Variants in LINGO2 observed in about 807,000 individuals in gnomAD.
The protein encoded by LINGO2 is leucine rich repeat and Ig domain containing 2, also known as leucine-rich repeat and immunoglobulin-like domain-containing nogo receptor-interacting protein 2.
A neutral mutation model predicts 30.6 loss-of-function variants in LINGO2; 14 were observed. That is an observed-to-expected ratio of 0.46 (90% CI 0.30 to 0.72). The LOEUF (loss-of-function observed/expected upper bound fraction) is 0.72. Ranked by LOEUF, LINGO2 falls within the 30% of genes least tolerant of loss-of-function variation. The pLI, the probability that LINGO2 is intolerant of heterozygous loss-of-function variation, is 0.07. For synonymous variants in LINGO2, 317 were observed against 288.5 expected, an observed-to-expected ratio of 1.10 and a Z score of -1.00; for missense variants, 729 against 751.7, an observed-to-expected ratio of 0.97 and a Z score of 0.35.
At chr9:28,524,180 G>C (rs1490156818) in intron 1 of LINGO2, among the ~76,000 whole-genome samples, 1 of 152,046 alleles carries the variant, frequency 6.6e-6, no homozygotes, top group Non-Finnish European at 1.5e-5. Context: ...TGAAAAAGCA[G>C]CTTTTAACCT....
the LINGO2 span, among the ~76,000 whole-genome samples, chr9:28,883,901 C>A: frequency 6.6e-6 from 1 of 151,290 alleles, no homozygotes; most frequent in African/African-American, 2.4e-5. Flanking sequence ...TGGTCTCGAA[C>A]TCCTGACCTC....
At chr9:28,254,974 C>T (rs996323285) in intron 4 of LINGO2, among the ~76,000 whole-genome samples, 13 of 151,954 alleles carry the variant, frequency 8.6e-5, no homozygotes, top group Admixed American at 3.3e-4. Context: ...TCCATGTGTT[C>T]TCATCAAGAA....
chr9:28,674,437 G>C (rs1332300802), upstream of LINGO2, among the ~76,000 whole-genome samples: 8 of 152,096 alleles, frequency 5.3e-5, no homozygotes, highest in African/African-American at 1.7e-4. Context: ...ACCTACATTT[G>C]AATGTTTCTA....
At position 28,261,361 on chromosome 9, in the gene LINGO2, A is replaced by G. The variant is rs984907437; in HGVS notation, c.-87+33847T>C. ...AAATTCAGCCAGGAATAGTAACATC[A>G]CAAGTTTTTAAAGACACTCGTGACA... is the stretch of plus-strand genomic sequence containing the variant. On this transcript the variant is annotated intron_variant, in intron 4 of 5. Coordinates refer to ENST00000379992, the Ensembl canonical transcript of LINGO2. Among the ~76,000 whole-genome samples, 13 of 152,042 alleles carry G rather than the reference A, an allele frequency of 8.6e-5. No homozygotes were observed. In the East Asian group the frequency reaches 1.6e-3, roughly 18 times the overall value.
At chr9:28,506,507 T>TATAG (rs1820142466) in intron 1 of LINGO2, among the ~76,000 whole-genome samples, 2 of 38,798 alleles carry the variant, frequency 5.2e-5, no homozygotes, top group South Asian at 2.1e-3. Context: ...CACACAGACA[T>TATAG]ATATATATAT....
At chr9:28,726,942 G>A in the LINGO2 span, among the ~76,000 whole-genome samples, 10 of 152,052 alleles carry the variant, frequency 6.6e-5, no homozygotes, top group Admixed American at 3.9e-4. Flanking sequence ...TTTCTGGGTG[G>A]CTTTTAGCCA....
the LINGO2 span, among the ~76,000 whole-genome samples, chr9:28,893,747 GA>G: frequency 1.3e-5 from 2 of 150,998 alleles, no homozygotes; most frequent in African/African-American, 4.9e-5. Context: ...TTAATGGTTT[GA>G]TTTTTTTTAA....
At chr9:28,385,877 CTG>C (rs1653383642) in intron 2 of LINGO2, among the ~76,000 whole-genome samples, 1 of 152,112 alleles carries the variant, frequency 6.6e-6, no homozygotes, top group Non-Finnish European at 1.5e-5. Flanking sequence ...TCCTTGGAAA[CTG>C]TGTGGAATTT....
intron 2 of LINGO2, among the ~76,000 whole-genome samples, chr9:28,408,738 T>G (rs7870036): frequency 0.92 from 132,021 of 143,514 alleles, 60,874 homozygotes; most frequent in East Asian, 1. Context: ...CCTGCACGTT[T>G]TGCACATGTA....
At chr9:28,541,652 C>A (rs1051189730) in intron 1 of LINGO2, among the ~76,000 whole-genome samples, 4 of 152,060 alleles carry the variant, frequency 2.6e-5, no homozygotes, top group Non-Finnish European at 5.9e-5. Context: ...TAAAAATGTG[C>A]AACTCACTTC....
chr9:29,048,362 G>A, the LINGO2 span, among the ~76,000 whole-genome samples: 4 of 151,588 alleles, frequency 2.6e-5, no homozygotes, highest in South Asian at 4.2e-4. Flanking sequence ...TTCATGGATC[G>A]GAAGAAAAAA....
chr9:28,064,707 C>T (rs920671679), intron 4 of LINGO2, among the ~76,000 whole-genome samples: 1 of 152,054 alleles, frequency 6.6e-6, no homozygotes, highest in Non-Finnish European at 1.5e-5. Flanking sequence ...TGCATGAAAA[C>T]GATTGAAGTA....
At chr9:27,956,770 G>GT in intron 5 of LINGO2, among the ~76,000 whole-genome samples, 1 of 152,046 alleles carries the variant, frequency 6.6e-6, no homozygotes, top group Non-Finnish European at 1.5e-5. Flanking sequence ...CAGCTATCTA[G>GT]TTTTTTTGTA....
chr9:29,110,586 G>A, the LINGO2 span, among the ~76,000 whole-genome samples: 1 of 149,704 alleles, frequency 6.7e-6, no homozygotes, highest in Non-Finnish European at 1.5e-5. Flanking sequence ...CCCGCCTCGG[G>A]GCCTCCCAAA....
the LINGO2 span, among the ~76,000 whole-genome samples, chr9:29,022,350 C>T: frequency 3.9e-5 from 6 of 152,160 alleles, no homozygotes; most frequent in African/African-American, 1.4e-4. Context: ...GCTAGGCTTT[C>T]CCTCACACTC....
intron 2 of LINGO2, among the ~76,000 whole-genome samples, chr9:28,404,162 A>G (rs1587622263): frequency 6.6e-6 from 1 of 152,102 alleles, no homozygotes; most frequent in Non-Finnish European, 1.5e-5. Context: ...ATATACCCCT[A>G]TATCTCAACT....
At chr9:28,796,226 T>C in the LINGO2 span, among the ~76,000 whole-genome samples, 1 of 152,238 alleles carries the variant, frequency 6.6e-6, no homozygotes, top group East Asian at 1.9e-4. Flanking sequence ...CAACAAAATA[T>C]TCATTAGGAA....
the LINGO2 span, among the ~76,000 whole-genome samples, chr9:29,208,421 C>T: frequency 6.6e-6 from 1 of 152,082 alleles, no homozygotes; most frequent in East Asian, 1.9e-4. Flanking sequence ...CCATACATCA[C>T]AAAATTTGTG....
intron 4 of LINGO2, among the ~76,000 whole-genome samples, chr9:28,279,290 G>A (rs1823237433): frequency 6.6e-6 from 1 of 152,236 alleles, no homozygotes; most frequent in Admixed American, 6.5e-5. Context: ...CAGTAGCAAT[G>A]TTTGAGAGAA....
Sources: gnomAD v4.1 joint callset for allele counts (sites outside exome capture counted in the v4.1 genomes callset) on GRCh38, gnomAD v4.1.1 for gene constraint, MANE v1.5 for transcripts, NCBI Gene and HGNC (gene_info 2026-07-23, HGNC 2026-07-21) for gene names.